AGK: variants seen among roughly 807,000 people sequenced by gnomAD.
AGK encodes the protein acylglycerol kinase, mitochondrial.
In AGK, 52 loss-of-function variants were observed where a neutral mutation model predicts 66.4. The observed-to-expected ratio is 0.78, with a 90% CI of 0.63 to 0.99. AGK has a LOEUF of 0.99. Ranked by LOEUF, AGK falls within the 50% of genes least tolerant of loss-of-function variation. The pLI, the probability that AGK is intolerant of heterozygous loss-of-function variation, is 0.00. For missense variants in AGK, 451 were observed against 506.6 expected, an observed-to-expected ratio of 0.89 and a Z score of 1.05; for synonymous variants, 182 against 181.1, an observed-to-expected ratio of 1.00 and a Z score of -0.04.
rs552430124 is a variant in AGK at position 141,654,496 on chromosome 7, T to TAACA, written c.*1578_*1581dup. 1.1e-4 allele frequency: 17 copies of TAACA among 152,386 alleles called. No homozygotes were observed. Among genetic ancestry groups the TAACA allele is most frequent in the African/African-American group, 3.8e-4 (16 of 41,590 alleles). 9.4% of individuals were successfully genotyped at this position (152,386 alleles called of 1,614,324 possible). ...GAATTATTAATGATGATCTATCAAC[T>TAACA]AACAAACAACTTGATTAGATTCTCC... On this transcript the variant is annotated 3_prime_UTR_variant, in exon 16 of 16. Coordinates refer to ENST00000649286, the MANE Select transcript of AGK (RefSeq NM_018238.4).
At chr7:141,623,487 C>T (rs373806286) in intron 9 of AGK, among the ~76,000 whole-genome samples, 48 of 152,082 alleles carry the variant, frequency 3.2e-4, no homozygotes, top group South Asian at 1.9e-3. Flanking sequence ...ACCAAATCAG[C>T]CACAACATTC....
intron 3 of AGK, 68 bp from the exon 4 acceptor site, chr7:141,596,494 A>G (rs891220533): frequency 6.4e-6 from 9 of 1,407,134 alleles, no homozygotes; most frequent in Middle Eastern, 1.8e-4. Context: ...TTTTGGAATG[A>G]AAGAATACAT....
At chr7:141,630,928 G>C (rs1327553358) in intron 9 of AGK, among the ~76,000 whole-genome samples, 3 of 152,176 alleles carry the variant, frequency 2.0e-5, no homozygotes, top group African/African-American at 2.4e-5. Flanking sequence ...TCGAGGCAGA[G>C]AGTATGTTAG....
At chr7:141,604,374 G>GTATA (rs368893843) in intron 5 of AGK, among the ~76,000 whole-genome samples, 9,656 of 113,482 alleles carry the variant, frequency 0.085, 425 homozygotes, top group Middle Eastern at 0.13. Flanking sequence ...GTGTGTGTGT[G>GTATA]TATATATATA....
Position 141,589,748 on chromosome 7 carries a change from C to T in AGK, c.102-3398C>T, listed in dbSNP as rs560539535. ...GATAATTTTGTATTTTTAGTAGAGA[C>T]GGGGTTTCACCATGTTGGTCAAGCT... On this transcript the variant is annotated intron_variant, in intron 2 of 15. Coordinates refer to ENST00000649286, the MANE Select transcript of AGK (RefSeq NM_018238.4). 1.6e-4 allele frequency among the ~76,000 whole-genome samples: 24 copies of T among 152,118 alleles called. 1 individual carries two copies. The East Asian group carries it at 4.3e-3, about 27-fold the overall frequency.
intron 2 of AGK, among the ~76,000 whole-genome samples, chr7:141,577,550 A>T (rs1329268235): frequency 6.6e-6 from 1 of 152,190 alleles, no homozygotes; most frequent in African/African-American, 2.4e-5. Context: ...AAAAGGCAAA[A>T]ATAAAGGGAA....
chr7:141,640,179 A>AG, intron 11 of AGK, among the ~76,000 whole-genome samples: 1 of 152,280 alleles, frequency 6.6e-6, no homozygotes, highest in East Asian at 1.9e-4. Flanking sequence ...TGTCAGCAGG[A>AG]GTGGAGGACA....
chr7:141,570,976 T>C (rs553209448), intron 2 of AGK, among the ~76,000 whole-genome samples: 3 of 152,200 alleles, frequency 2.0e-5, no homozygotes, highest in Non-Finnish European at 2.9e-5. Flanking sequence ...GAATTTTTCA[T>C]ACCCTCGACT....
At chr7:141,629,065 C>T (rs766541388) in intron 9 of AGK, among the ~76,000 whole-genome samples, 2 of 152,132 alleles carry the variant, frequency 1.3e-5, no homozygotes, top group Non-Finnish European at 2.9e-5. Context: ...TACATGGACT[C>T]CTTCTTTTTA....
intron 8 of AGK, 60 bp downstream of exon 8, chr7:141,615,625 T>G: frequency 7.7e-7 from 1 of 1,292,714 alleles, no homozygotes; most frequent in Non-Finnish European, 1.1e-6. Flanking sequence ...AATGAAAAAT[T>G]TATGTGTATG....
At chr7:141,638,752 T>A (rs1797225964) in intron 11 of AGK, among the ~76,000 whole-genome samples, 1 of 152,176 alleles carries the variant, frequency 6.6e-6, no homozygotes, top group Non-Finnish European at 1.5e-5. Context: ...TTTCCACTGA[T>A]GTTGGTAATA....
intron 5 of AGK, among the ~76,000 whole-genome samples, chr7:141,605,861 C>G (rs71545330): frequency 0.03 from 4,580 of 152,260 alleles, 111 homozygotes; most frequent in South Asian, 0.14. Context: ...GACATGAAAG[C>G]TCCAAGACAA....
chr7:141,607,807 G>A (rs989845402), intron 5 of AGK, among the ~76,000 whole-genome samples: 2 of 151,888 alleles, frequency 1.3e-5, no homozygotes, highest in Non-Finnish European at 2.9e-5. Context: ...TAAGGTTAGT[G>A]TCTAGATTTT....
chr7:141,574,369 T>C (rs896665514), intron 2 of AGK, among the ~76,000 whole-genome samples: 4 of 152,156 alleles, frequency 2.6e-5, no homozygotes, highest in African/African-American at 9.7e-5. Flanking sequence ...GGCAGAACTT[T>C]TTCCCCAGTG....
chr7:141,643,997 A>G (rs1166226266), intron 13 of AGK, among the ~76,000 whole-genome samples: 1 of 152,084 alleles, frequency 6.6e-6, no homozygotes, highest in Non-Finnish European at 1.5e-5. Context: ...CTAGGAATTT[A>G]TCCTACTGGA....
At chr7:141,635,671 T>C (rs12703400) in intron 10 of AGK, among the ~76,000 whole-genome samples, 4,719 of 152,268 alleles carry the variant, frequency 0.031, 115 homozygotes, top group South Asian at 0.15. Flanking sequence ...TCTCTTTCTC[T>C]GACTGTTATC....
chr7:141,597,829 T>C (rs1399908633), intron 4 of AGK, among the ~76,000 whole-genome samples: 1 of 138,474 alleles, frequency 7.2e-6, no homozygotes, highest in African/African-American at 2.8e-5. Context: ...AGGTCGAGGC[T>C]GTAGTGAGCC....
At chr7:141,611,720 T>G (rs573322720) in intron 6 of AGK, among the ~76,000 whole-genome samples, 7 of 152,326 alleles carry the variant, frequency 4.6e-5, no homozygotes, top group African/African-American at 7.2e-5. Context: ...TATACTACAT[T>G]AATAGGAAGA....
intron 2 of AGK, among the ~76,000 whole-genome samples, chr7:141,557,835 T>TA (rs962173245): frequency 3.2e-4 from 48 of 152,204 alleles, no homozygotes; most frequent in African/African-American, 1.1e-3. Flanking sequence ...TTAGCCTTTT[T>TA]AAAAAATTGT....
Sources: gnomAD v4.1 joint callset for allele counts (sites outside exome capture counted in the v4.1 genomes callset) on GRCh38, gnomAD v4.1.1 for gene constraint, MANE v1.5 for transcripts, NCBI Gene and HGNC (gene_info 2026-07-23, HGNC 2026-07-21) for gene names.